The following ADGRG7 variants were observed in gnomAD, a reference collection of about 807,000 sequenced individuals.
The protein encoded by ADGRG7 is G-protein coupled receptor 128.
In ADGRG7, 82 loss-of-function variants were observed where a neutral mutation model predicts 88.6. That is an observed-to-expected ratio of 0.93 (90% CI 0.77 to 1.11). The LOEUF is 1.11. Among genes scored for constraint, ADGRG7 ranks in the 50% most tolerant of loss-of-function variants. The pLI is 0.00. For missense variants in ADGRG7, 945 were observed against 953.4 expected (o/e 0.99, Z 0.12); for synonymous variants, 381 against 345.2 (o/e 1.10, Z -1.15).
At chr3:100,693,675 T>A (rs1193846524) in intron 15 of ADGRG7, among the ~76,000 whole-genome samples, 2 of 152,232 alleles carry the variant, frequency 1.3e-5, no homozygotes, top group Admixed American at 1.3e-4. Context: ...TACCTTTTCA[T>A]TTTGAAATGA....
rs764077151 is a variant in ADGRG7 at position 100,630,662 on chromosome 3, T to A, written c.230-43T>A. Reference sequence around the variant, plus strand: ...GACTTTTATCTGGTTTCAATTTTTTTAAAATACAATTTATAATAAAGAACT... The same window carrying A: ...GACTTTTATCTGGTTTCAATTTTTTAAAAATACAATTTATAATAAAGAACT... On this transcript the variant is annotated intron_variant, in intron 2 of 15. Coordinates refer to ENST00000273352, the MANE Select transcript of ADGRG7 (RefSeq NM_032787.3). 58 of 974,378 alleles carry A rather than the reference T, an allele frequency of 6.0e-5. No homozygotes were observed. The East Asian group carries it at 6.5e-4, about 11-fold the overall frequency. 60.4% of individuals were successfully genotyped at this position (974,378 alleles called of 1,614,324 possible).
At chr3:100,610,043 A>C in intron 1 of ADGRG7, 72 bp downstream of exon 1, 1 of 1,239,872 alleles carries the variant, frequency 8.1e-7, no homozygotes, top group Non-Finnish European at 1.2e-6. Flanking sequence ...CACCTGGTGC[A>C]CAAGTACTGG....
chr3:100,649,510 C>T (rs1245268433), intron 10 of ADGRG7, among the ~76,000 whole-genome samples, 185 bp from the exon 11 acceptor site: 1 of 152,164 alleles, frequency 6.6e-6, no homozygotes, highest in Non-Finnish European at 1.5e-5. Context: ...CTGTATACTT[C>T]AGGTAAACTG....
intron 11 of ADGRG7, among the ~76,000 whole-genome samples, chr3:100,651,134 G>A (rs533997636): frequency 6.6e-6 from 1 of 152,204 alleles, no homozygotes; most frequent in African/African-American, 2.4e-5. Flanking sequence ...TCATTTAAAA[G>A]TTTTATAGTG....
At chr3:100,621,387 G>A (rs1283476989) in intron 1 of ADGRG7, among the ~76,000 whole-genome samples, 3 of 152,118 alleles carry the variant, frequency 2.0e-5, no homozygotes. Flanking sequence ...AGTTATTCAA[G>A]GAAATTAAAA....
intron 4 of ADGRG7, chr3:100,635,451 C>T (rs1000821006): frequency 4.3e-6 from 4 of 940,208 alleles, no homozygotes; most frequent in Non-Finnish European, 5.8e-6. Flanking sequence ...AAGGCAGCCC[C>T]TTATAGTTAA....
chr3:100,646,301 G>A (rs750301252), intron 9 of ADGRG7, 193 bp downstream of exon 9: 1 of 613,370 alleles, frequency 1.6e-6, no homozygotes, highest in South Asian at 2.3e-5. Context: ...TTGAATAAAA[G>A]AAATCTATAG....
intron 14 of ADGRG7, among the ~76,000 whole-genome samples, chr3:100,663,823 A>G (rs1369302302): frequency 6.6e-6 from 1 of 152,034 alleles, no homozygotes; most frequent in Non-Finnish European, 1.5e-5. Flanking sequence ...ATTTGTTTTT[A>G]TAAGTATGCC....
intron 1 of ADGRG7, among the ~76,000 whole-genome samples, chr3:100,620,865 C>T (rs1162848667): frequency 6.6e-6 from 1 of 151,446 alleles, no homozygotes; most frequent in East Asian, 1.9e-4. Context: ...AGTTTTGTGG[C>T]AACTCTGTGT....
chr3:100,632,210 T>C (rs970106917), intron 3 of ADGRG7, among the ~76,000 whole-genome samples: 1 of 152,166 alleles, frequency 6.6e-6, no homozygotes, highest in Admixed American at 6.5e-5. Context: ...GTTTAATATA[T>C]ATTAATTCTT....
intron 5 of ADGRG7, 29 bp from the exon 6 acceptor site, chr3:100,637,273 T>TCATA (rs1707560803): frequency 7.1e-7 from 1 of 1,401,978 alleles, no homozygotes; most frequent in Admixed American, 1.7e-5. Flanking sequence ...TATATGCTTC[T>TCATA]CTGATGATCA....
intron 15 of ADGRG7, among the ~76,000 whole-genome samples, chr3:100,671,656 C>T (rs1372170691): frequency 1.3e-5 from 2 of 152,120 alleles, no homozygotes; most frequent in African/African-American, 4.8e-5. Flanking sequence ...ATGGTATTGC[C>T]TAGGTTTTCT....
chr3:100,616,903 C>G (rs1707234148), intron 1 of ADGRG7, among the ~76,000 whole-genome samples: 1 of 151,972 alleles, frequency 6.6e-6, no homozygotes. Flanking sequence ...AGCTAGGAAA[C>G]TGTAATTCAA....
intron 3 of ADGRG7, 64 bp downstream of exon 3, chr3:100,630,873 T>C (rs1215459769): frequency 1.2e-6 from 1 of 833,050 alleles, no homozygotes; most frequent in Non-Finnish European, 1.8e-6. Context: ...ATACCTCTCA[T>C]ACCTCCTACT....
At chr3:100,693,042 T>G (rs1166571969) in intron 15 of ADGRG7, among the ~76,000 whole-genome samples, 1 of 152,206 alleles carries the variant, frequency 6.6e-6, no homozygotes, top group East Asian at 1.9e-4. Flanking sequence ...AACTTTGTGT[T>G]ACTGGTAGTC....
intron 1 of ADGRG7, among the ~76,000 whole-genome samples, chr3:100,615,624 C>T (rs1435549650): frequency 2.0e-5 from 3 of 152,208 alleles, no homozygotes; most frequent in Admixed American, 6.5e-5. Context: ...AGAAATGACT[C>T]TTGACTTACA....
rs575419249 is a variant in ADGRG7, at chr3:100,669,339, A to T, written c.2136+234A>T. The stretch of plus-strand genomic sequence containing the variant: ...ATCTCTACTAAAAAAAATACAAAAA[A>T]TTAGCCGGGTGTGGTGGCGGGCGCC... On this transcript the variant is annotated intron_variant, in intron 15 of 15. Transcript: ENST00000273352. Among the ~76,000 whole-genome samples, 13 of 152,058 alleles carry T rather than the reference A, an allele frequency of 8.5e-5. 1 individual carries two copies. The highest frequency in any genetic ancestry group is 3.1e-4 in the African/African-American group (13 of 41,480).
At chr3:100,636,732 T>A (rs1707549240) in intron 5 of ADGRG7, among the ~76,000 whole-genome samples, 1 of 152,264 alleles carries the variant, frequency 6.6e-6, no homozygotes, top group South Asian at 2.1e-4. Flanking sequence ...AATATTGACC[T>A]CCAAATGTAG....
intron 4 of ADGRG7, among the ~76,000 whole-genome samples, chr3:100,633,644 C>A (rs144777000): frequency 2.2e-4 from 33 of 152,196 alleles, no homozygotes; most frequent in African/African-American, 7.9e-4. Context: ...CCTGCATCAG[C>A]CTCCTGAGTA....
Sources: gnomAD v4.1 joint callset for allele counts (sites outside exome capture counted in the v4.1 genomes callset) on GRCh38, gnomAD v4.1.1 for gene constraint, MANE v1.5 for transcripts, NCBI Gene and HGNC (gene_info 2026-07-23, HGNC 2026-07-21) for gene names.